RPA1: variants seen among roughly 807,000 people sequenced by gnomAD.
RPA1 encodes the protein replication protein A1, also known as replication protein A 70 kDa DNA-binding subunit.
RPA1 carries 49 observed loss-of-function variants against 83.0 expected under a neutral mutation model. That is an observed-to-expected ratio of 0.59 (90% CI 0.47 to 0.75). RPA1 has a LOEUF of 0.75. RPA1 is among the 30% of genes least tolerant of loss of function. RPA1 has a pLI of 0.00. For missense variants in RPA1, 693 were observed against 776.1 expected, an observed-to-expected ratio of 0.89 and a Z score of 1.27; for synonymous variants, 279 against 281.8, an observed-to-expected ratio of 0.99 and a Z score of 0.10.
intron 1 of RPA1, among the ~76,000 whole-genome samples, chr17:1,835,243 G>A (rs1340155132): frequency 1.3e-5 from 2 of 151,944 alleles, no homozygotes; most frequent in Non-Finnish European, 2.9e-5. Context: ...CCAACTCCTG[G>A]GCTCAAGTGA....
In RPA1 at chr17:1,880,601, C is replaced by T; in HGVS notation, c.1151C>T (p.Ser384Phe). 7 of 1,614,144 alleles carry T rather than the reference C, an allele frequency of 4.3e-6. No homozygotes were observed. In the South Asian group the frequency reaches 6.6e-5, roughly 15 times the overall value. The change falls in exon 12 of 17, where the codon TCT becomes TTT. Residue 384 changes from serine (S) to phenylalanine (F), a missense_variant. By Grantham distance (155) the Ser-to-Phe change is radical. Coordinates refer to ENST00000254719, the MANE Select transcript of RPA1 (RefSeq NM_002945.5). ...TTGGCTATCAAAGGAGCCCGAGTCT[C>T]TGATTTCGGTGGACGGAGCCTCTCC... ...PVLAIKGARV[S>F]DFGGRSLSVL...
rs963570462 is a variant in RPA1 at position 1,897,770 on chromosome 17, G to A, written c.*595G>A. The stretch of plus-strand genomic sequence containing the variant: ...TATCTGAAGAGTATCCTTCCTTCAG[G>A]GTTTAATAGACTGAGTCAGATGGGT... On this transcript the variant is annotated 3_prime_UTR_variant, in exon 17 of 17. Coordinates refer to ENST00000254719, the MANE Select transcript of RPA1 (RefSeq NM_002945.5). The A allele has an allele frequency of 5.2e-5, 8 of 153,578 alleles. No homozygotes were observed. The highest frequency in any genetic ancestry group is 7.2e-5 in the African/African-American group (3 of 41,422). The allele number at this position is 153,578 out of a possible 1,614,324, so 9.5% of individuals were successfully genotyped here. A position where few individuals can be genotyped will look rare whatever the true frequency, so the allele number is the denominator to read the frequency against.
intron 1 of RPA1, among the ~76,000 whole-genome samples, chr17:1,836,047 T>A (rs1281802663): frequency 7.2e-5 from 11 of 152,214 alleles, no homozygotes; most frequent in African/African-American, 2.7e-4. Flanking sequence ...TTCCCCAGAA[T>A]AACTGCTTTT....
At chr17:1,856,831 A>T (rs1300835559) in intron 5 of RPA1, among the ~76,000 whole-genome samples, 2 of 151,792 alleles carry the variant, frequency 1.3e-5, no homozygotes, top group African/African-American at 4.8e-5. Flanking sequence ...ATTATATAAC[A>T]TACATATATG....
chr17:1,877,649 C>G (rs373512003), intron 8 of RPA1, among the ~76,000 whole-genome samples: 2 of 152,282 alleles, frequency 1.3e-5, no homozygotes, highest in East Asian at 3.9e-4. Flanking sequence ...ATATAAGTAG[C>G]CTCCTGGGCA....
intron 1 of RPA1, among the ~76,000 whole-genome samples, chr17:1,830,829 G>A (rs1235388672): frequency 6.6e-6 from 1 of 151,532 alleles, no homozygotes; most frequent in African/African-American, 2.4e-5. Flanking sequence ...GCAGAGGCGC[G>A]ATCTCGGCTC....
intron 3 of RPA1, 126 bp from the exon 4 acceptor site, chr17:1,844,452 G>T: frequency 1.5e-6 from 1 of 652,154 alleles, no homozygotes; most frequent in South Asian, 2.0e-5. Flanking sequence ...ACTCTGCAGA[G>T]TCTGACTAGT....
chr17:1,854,033 A>AT (rs1912598274), intron 5 of RPA1: 1 of 152,220 alleles, frequency 6.6e-6, no homozygotes, highest in South Asian at 2.1e-4. Context: ...TTTTACTGTG[A>AT]TTATCTCTTG....
At chr17:1,835,138 A>C (rs1190782605) in intron 1 of RPA1, among the ~76,000 whole-genome samples, 1 of 151,870 alleles carries the variant, frequency 6.6e-6, no homozygotes, top group Non-Finnish European at 1.5e-5. Flanking sequence ...GACTTGAGCC[A>C]TTGCACCTGG....
At chr17:1,833,116 A>G (rs1911684353) in intron 1 of RPA1, among the ~76,000 whole-genome samples, 2 of 151,520 alleles carry the variant, frequency 1.3e-5, no homozygotes, top group Non-Finnish European at 2.9e-5. Context: ...TAGTAGAGAC[A>G]GGGTTTCGCC....
rs151196298 is a variant in RPA1, at chr17:1,862,511, C to T, written c.361+9322C>T. Among the ~76,000 whole-genome samples, 1,150 of 148,662 alleles carry T rather than the reference C, an allele frequency of 7.7e-3. 8 individuals carry two copies. The highest frequency in any genetic ancestry group is 0.013 in the Non-Finnish European group (894 of 67,292). ...CTTGGCTCACTGCAACCTCCACCTC[C>T]CAGTTCAAGCTATCCTCATGCCTCA... is the stretch of plus-strand genomic sequence containing the variant. On this transcript the variant is annotated intron_variant, in intron 5 of 16. Transcript: ENST00000254719.
rs752773475 is a variant in RPA1 at position 1,844,661 on chromosome 17, A to G, written c.247A>G (p.Ile83Val). Residue 83 changes from isoleucine (I) to valine (V), a missense_variant, in exon 4 of 17, where the codon ATT (isoleucine) becomes GTT (valine). Physicochemically the swap from Ile to Val is conservative, Grantham distance 29. Coordinates refer to ENST00000254719, the MANE Select transcript of RPA1 (RefSeq NM_002945.5). ...SNCVCQIHRF[I>V]VNTLKDGRRV... ...CTGTGTATGCCAGATTCACAGATTT[A>G]TTGTGAACACTCTGAAAGACGGAAG... 3.1e-6 allele frequency: 5 copies of G among 1,613,002 alleles called. No individual in the cohort carries two copies. Among genetic ancestry groups the G allele is most frequent in the Non-Finnish European group, 4.2e-6 (5 of 1,179,140 alleles).
intron 1 of RPA1, among the ~76,000 whole-genome samples, chr17:1,832,100 T>C (rs1331174290): frequency 1.3e-5 from 2 of 151,884 alleles, no homozygotes; most frequent in Non-Finnish European, 2.9e-5. Context: ...GCGTAATTTT[T>C]TGTATTTTTA....
intron 2 of RPA1, 147 bp downstream of exon 2, chr17:1,843,000 T>G (rs1322193764): frequency 2.7e-6 from 2 of 731,324 alleles, no homozygotes; most frequent in African/African-American, 3.5e-5. Context: ...ATTGTAACCC[T>G]GAGAGAGCAG....
intron 13 of RPA1, among the ~76,000 whole-genome samples, chr17:1,885,428 C>T (rs572243041): frequency 6.6e-5 from 10 of 152,188 alleles, no homozygotes; most frequent in African/African-American, 1.2e-4. Context: ...TCCAAACTCC[C>T]GTTGATGTTG....
At chr17:1,852,683 C>T (rs1331977627) in intron 4 of RPA1, among the ~76,000 whole-genome samples, 1 of 152,146 alleles carries the variant, frequency 6.6e-6, no homozygotes, top group Non-Finnish European at 1.5e-5. Context: ...AGCAAAAGAA[C>T]TGTAAGTTCT....
intron 4 of RPA1, among the ~76,000 whole-genome samples, chr17:1,847,898 C>T (rs1486950741): frequency 6.6e-6 from 1 of 151,900 alleles, no homozygotes; most frequent in African/African-American, 2.4e-5. Context: ...CGGGTGCGGC[C>T]TGTAATCTCA....
intron 16 of RPA1, among the ~76,000 whole-genome samples, chr17:1,895,710 A>C (rs1914391199): frequency 1.0e-5 from 1 of 96,634 alleles, no homozygotes; most frequent in Non-Finnish European, 2.6e-5. Flanking sequence ...TATTTGAGAC[A>C]GAGTCTCTGT....
At chr17:1,888,596 G>A in intron 13 of RPA1, 79 bp from the exon 14 acceptor site, 1 of 1,423,512 alleles carries the variant, frequency 7.0e-7, no homozygotes, top group Non-Finnish European at 9.6e-7. Flanking sequence ...AAACGTAAGG[G>A]CAGGCTTTGA....
Sources: gnomAD v4.1 joint callset for allele counts (sites outside exome capture counted in the v4.1 genomes callset) on GRCh38, gnomAD v4.1.1 for gene constraint, MANE v1.5 for transcripts, NCBI Gene and HGNC (gene_info 2026-07-23, HGNC 2026-07-21) for gene names.